The following THSD4 variants were observed in gnomAD, a reference collection of about 807,000 sequenced individuals.
THSD4 encodes thrombospondin type-1 domain-containing protein 4.
THSD4 carries 69 observed loss-of-function variants against 119.0 expected under a neutral mutation model. The observed-to-expected ratio is 0.58, with a 90% CI of 0.48 to 0.71. The LOEUF (loss-of-function observed/expected upper bound fraction) is 0.71, where lower values mean the gene tolerates loss of function less well. THSD4 is among the 30% of genes least tolerant of loss of function. The probability of loss-of-function intolerance (pLI) is 0.00; values close to 1 mark genes in which losing one functional copy is unlikely to be tolerated. For synonymous variants in THSD4, 524 were observed against 540.4 expected (o/e 0.97, Z 0.42); for missense variants, 1,393 against 1,391.1 (o/e 1.00, Z -0.02).
intron 5 of THSD4, among the ~76,000 whole-genome samples, chr15:71,245,807 C>T (rs2044194785): frequency 6.6e-6 from 1 of 152,156 alleles, no homozygotes; most frequent in Non-Finnish European, 1.5e-5. Flanking sequence ...CCACTCCTAT[C>T]ATTTAGGGAG....
At chr15:71,363,720 C>G (rs560527317) in intron 6 of THSD4, among the ~76,000 whole-genome samples, 9 of 152,126 alleles carry the variant, frequency 5.9e-5, no homozygotes, top group Non-Finnish European at 1.2e-4. Context: ...ATCAGGTATG[C>G]GGAAAGGAAT....
rs934248934 is a variant in THSD4, at chr15:71,256,725, G to T, written c.1015+10G>T. On this transcript the variant is annotated intron_variant, in intron 6 of 17. Coordinates refer to ENST00000261862, the MANE Select transcript of THSD4 (RefSeq NM_024817.3). ...GAACCATTTGCAGAAGGTAAGAATAGACCCAGCCCTGTCCATAGAAGTTAC... is the reference window on the plus strand; with the variant it reads ...GAACCATTTGCAGAAGGTAAGAATATACCCAGCCCTGTCCATAGAAGTTAC... The T allele has an allele frequency of 2.5e-6, 4 of 1,608,398 alleles. No homozygotes were observed. Among genetic ancestry groups the T allele is most frequent in the Non-Finnish European group, 3.4e-6 (4 of 1,176,590 alleles).
intron 7 of THSD4, among the ~76,000 whole-genome samples, chr15:71,502,645 G>A (rs1021395175): frequency 6.6e-6 from 1 of 152,066 alleles, no homozygotes; most frequent in African/African-American, 2.4e-5. Flanking sequence ...CATAAAAGAC[G>A]CAAAACAGTT....
Position 71,636,954 on chromosome 15 carries a change from G to A in THSD4, c.1153-23576G>A, listed in dbSNP as rs886170409. Among the ~76,000 whole-genome samples, 11 of 150,312 alleles carry A rather than the reference G, an allele frequency of 7.3e-5. 1 individual carries two copies. Among genetic ancestry groups the A allele is most frequent in the South Asian group, 4.2e-4 (2 of 4,710 alleles). ...GGCTGGAGTGCAGTGGTGTGATCTC[G>A]GCTCACTACAGCCTCCACCTCCCGA... On this transcript the variant is annotated intron_variant, in intron 7 of 17. Coordinates refer to ENST00000261862, the MANE Select transcript of THSD4 (RefSeq NM_024817.3).
intron 3 of THSD4, among the ~76,000 whole-genome samples, chr15:71,169,154 G>A (rs1377593862): frequency 6.6e-6 from 1 of 152,204 alleles, no homozygotes; most frequent in East Asian, 1.9e-4. Flanking sequence ...CAGTTCATGT[G>A]AGATGATATC....
intron 7 of THSD4, among the ~76,000 whole-genome samples, chr15:71,470,193 C>G (rs982791884): frequency 3.0e-4 from 46 of 151,776 alleles, no homozygotes; most frequent in African/African-American, 1.1e-3. Flanking sequence ...AGAAGTGATT[C>G]ATAATTACTA....
intron 11 of THSD4, among the ~76,000 whole-genome samples, chr15:71,743,483 G>A (rs2053275443): frequency 6.6e-6 from 1 of 152,200 alleles, no homozygotes; most frequent in Non-Finnish European, 1.5e-5. Context: ...ACTGCACAGT[G>A]TACTTAATGT....
intron 6 of THSD4, among the ~76,000 whole-genome samples, chr15:71,411,049 T>A (rs986157071): frequency 3.3e-5 from 5 of 152,126 alleles, no homozygotes; most frequent in African/African-American, 1.2e-4. Context: ...CTTGTAAACA[T>A]AAAAATTATG....
At chr15:71,735,518 C>G (rs1363930567) in intron 10 of THSD4, among the ~76,000 whole-genome samples, 1 of 152,004 alleles carries the variant, frequency 6.6e-6, no homozygotes, top group East Asian at 1.9e-4. Context: ...CTCTCTGTCT[C>G]TCTTACCATC....
intron 7 of THSD4, among the ~76,000 whole-genome samples, chr15:71,628,020 T>G (rs565902375): frequency 3.3e-5 from 5 of 152,340 alleles, no homozygotes; most frequent in African/African-American, 9.6e-5. Flanking sequence ...GTGGCAGAGT[T>G]TGGGTGCCCC....
chr15:71,272,661 A>G (rs1465577679), intron 6 of THSD4, among the ~76,000 whole-genome samples: 3 of 152,128 alleles, frequency 2.0e-5, no homozygotes, highest in African/African-American at 7.2e-5. Flanking sequence ...CAGGAATTCA[A>G]AACCAGCTTG....
intron 6 of THSD4, among the ~76,000 whole-genome samples, chr15:71,272,969 T>G (rs2140305687): frequency 6.6e-6 from 1 of 152,330 alleles, no homozygotes; most frequent in East Asian, 1.9e-4. Flanking sequence ...AACAGCCATT[T>G]TGGAAAACAG....
intron 7 of THSD4, among the ~76,000 whole-genome samples, chr15:71,577,378 A>G (rs72739268): frequency 0.075 from 11,427 of 152,252 alleles, 493 homozygotes; most frequent in South Asian, 0.12. Flanking sequence ...TTGCCACTCT[A>G]ATCCTTGGCT....
rs377559535 is a variant in THSD4, at chr15:71,410,184, T to A, written c.1016-1503T>A. Among the ~76,000 whole-genome samples the A allele has an allele frequency of 5.3e-5, 8 of 152,286 alleles. No homozygotes were observed. The East Asian group carries it at 1.3e-3, about 26-fold the overall frequency. On this transcript the variant is annotated intron_variant, in intron 6 of 17. Coordinates refer to ENST00000261862, the MANE Select transcript of THSD4 (RefSeq NM_024817.3). ...GAAAAGGCCGATATTCATTTATCCA[T>A]CCCTTGTTTCATTCCTCAGAGATTT...
At chr15:71,377,559 T>C (rs1391689352) in intron 6 of THSD4, among the ~76,000 whole-genome samples, 1 of 151,882 alleles carries the variant, frequency 6.6e-6, no homozygotes, top group Admixed American at 6.6e-5. Context: ...CAAGAGGACA[T>C]TGAAGAGAAG....
chr15:71,139,913 G>A (rs750548102), intron 1 of THSD4, among the ~76,000 whole-genome samples: 23 of 152,250 alleles, frequency 1.5e-4, no homozygotes, highest in Admixed American at 5.2e-4. Context: ...ACTGGGCCAT[G>A]TTCTGTTTTA....
intron 8 of THSD4, among the ~76,000 whole-genome samples, chr15:71,677,521 T>TGTG (rs1197720912): frequency 1.2e-4 from 18 of 152,222 alleles, no homozygotes; most frequent in Admixed American, 3.9e-4. Context: ...ACATGGTGTC[T>TGTG]GACAGCGCAC....
intron 6 of THSD4, among the ~76,000 whole-genome samples, chr15:71,367,250 T>A (rs963415432): frequency 2.0e-5 from 3 of 152,228 alleles, no homozygotes; most frequent in African/African-American, 7.2e-5. Context: ...AATATTTTAT[T>A]GTTAAATTAC....
chr15:71,767,066 G>A (rs574102622), intron 16 of THSD4: 1 of 152,224 alleles, frequency 6.6e-6, no homozygotes, highest in East Asian at 1.9e-4. Flanking sequence ...TGCGGTAGGA[G>A]ATACACAACT....
Sources: gnomAD v4.1 joint callset for allele counts (sites outside exome capture counted in the v4.1 genomes callset) on GRCh38, gnomAD v4.1.1 for gene constraint, MANE v1.5 for transcripts, NCBI Gene and HGNC (gene_info 2026-07-23, HGNC 2026-07-21) for gene names.